PBX1: variants seen among roughly 807,000 people sequenced by gnomAD.
PBX1 encodes pre-B-cell leukemia transcription factor 1.
PBX1 carries 6 observed loss-of-function variants against 53.4 expected under a neutral mutation model. The ratio of observed to expected loss-of-function variants is 0.11; its 90% CI spans 0.06 to 0.22. The LOEUF is 0.22. Among genes scored for constraint, PBX1 ranks in the 10% least tolerant of loss-of-function variants. PBX1 has a pLI of 1.00. For synonymous variants in PBX1, 204 were observed against 212.3 expected, an observed-to-expected ratio of 0.96 and a Z score of 0.34; for missense variants, 251 against 551.4, an observed-to-expected ratio of 0.46 and a Z score of 5.46.
At chr1:164,885,512 T>C (rs1046027675) in intron 2 of PBX1, among the ~76,000 whole-genome samples, 2 of 152,198 alleles carry the variant, frequency 1.3e-5, no homozygotes, top group African/African-American at 4.8e-5. Flanking sequence ...ATCCATAGTA[T>C]AGAGTGTTTC....
intron 2 of PBX1, chr1:164,674,652 T>C (rs1206059558): frequency 1.3e-5 from 2 of 152,256 alleles, no homozygotes; most frequent in Admixed American, 1.3e-4. Flanking sequence ...TAGGCAGAAA[T>C]TTTTACAAAA....
chr1:164,759,801 C>T (rs1337424567), intron 2 of PBX1, among the ~76,000 whole-genome samples: 3 of 152,180 alleles, frequency 2.0e-5, no homozygotes, highest in African/African-American at 7.2e-5. Flanking sequence ...TTGGGGCACT[C>T]TCAGGGAAGA....
At chr1:164,595,106 G>T (rs1055015467) in intron 2 of PBX1, among the ~76,000 whole-genome samples, 2 of 152,190 alleles carry the variant, frequency 1.3e-5, no homozygotes. Flanking sequence ...ACAGTACCAC[G>T]TCTGAACCTA....
At chr1:164,623,117 G>A (rs923096994) in intron 2 of PBX1, among the ~76,000 whole-genome samples, 1 of 152,082 alleles carries the variant, frequency 6.6e-6, no homozygotes, top group African/African-American at 2.4e-5. Flanking sequence ...CTGGCCAGTT[G>A]CCATCTTTTT....
chr1:164,579,059 C>T (rs1380465315), intron 2 of PBX1, among the ~76,000 whole-genome samples: 1 of 151,648 alleles, frequency 6.6e-6, no homozygotes, highest in Admixed American at 6.6e-5. Context: ...CATTCTGTGA[C>T]ATTTGCTCAC....
At chr1:164,683,536 A>T (rs1307262024) in intron 2 of PBX1, 3 of 152,218 alleles carry the variant, frequency 2.0e-5, no homozygotes, top group Non-Finnish European at 4.4e-5. Context: ...ACTGGTTTTC[A>T]AAACCAGATC....
At chr1:164,635,198 C>A (rs1363150914) in intron 2 of PBX1, among the ~76,000 whole-genome samples, 2 of 152,064 alleles carry the variant, frequency 1.3e-5, no homozygotes, top group African/African-American at 4.8e-5. Flanking sequence ...TGTTGCTATG[C>A]CAACACCCTG....
intron 2 of PBX1, among the ~76,000 whole-genome samples, chr1:164,593,726 G>A (rs1655566322): frequency 6.6e-6 from 1 of 152,178 alleles, no homozygotes; most frequent in Non-Finnish European, 1.5e-5. Context: ...AACACACCAT[G>A]TACTTCCTTT....
At chr1:164,820,048 G>C in intron 6 of PBX1, 24 bp from the exon 7 acceptor site, 1 of 1,437,252 alleles carries the variant, frequency 7.0e-7, no homozygotes, top group South Asian at 1.2e-5. Context: ...CTGTGATTCA[G>C]GTGCCTCACT....
At chr1:164,583,486 C>T (rs1654759506) in intron 2 of PBX1, among the ~76,000 whole-genome samples, 1 of 152,056 alleles carries the variant, frequency 6.6e-6, no homozygotes. Context: ...CTGACTTGAC[C>T]TGGCAGCCTT....
chr1:164,563,235 C>T lies in PBX1; in HGVS notation c.192-3C>T. 1 of 1,606,828 alleles carries T rather than the reference C, an allele frequency of 6.2e-7. No individual in the cohort carries two copies. Among genetic ancestry groups the T allele is most frequent in the Non-Finnish European group, 8.5e-7 (1 of 1,174,856 alleles). ...AAGCTATCATGTTGTTTCTTTCTTG[C>T]AGAAAACATGCTTTAAACTGCCACA... On this transcript the variant is annotated splice_region_variant and splice_polypyrimidine_tract_variant and intron_variant, in intron 1 of 8. Transcript: ENST00000420696.
chr1:164,870,329 C>CT (rs1156508342), intron 2 of PBX1, among the ~76,000 whole-genome samples: 1 of 103,284 alleles, frequency 9.7e-6, no homozygotes. Context: ...TTCTTTCTTT[C>CT]TTTCTTTCTT....
At chr1:164,701,131 T>G (rs1663095873) in intron 2 of PBX1, among the ~76,000 whole-genome samples, 2 of 152,158 alleles carry the variant, frequency 1.3e-5, no homozygotes, top group South Asian at 4.2e-4. Context: ...ACTCTTTGCC[T>G]TTTTGCATTT....
At chr1:164,852,003 TAAG>T (rs1671863544), downstream of PBX1, among the ~76,000 whole-genome samples, 2 of 152,006 alleles carry the variant, frequency 1.3e-5, no homozygotes, top group African/African-American at 2.4e-5. Flanking sequence ...ACTCAGGAAA[TAAG>T]AAGGAAGGAA....
chr1:164,633,036 A>C (rs562201695), intron 2 of PBX1, among the ~76,000 whole-genome samples: 1 of 152,218 alleles, frequency 6.6e-6, no homozygotes, highest in Non-Finnish European at 1.5e-5. Flanking sequence ...TGGCATAGCT[A>C]AGACTCAAAA....
At chr1:164,602,493 TG>T (rs1265714161) in intron 2 of PBX1, among the ~76,000 whole-genome samples, 2 of 152,176 alleles carry the variant, frequency 1.3e-5, no homozygotes, top group Non-Finnish European at 2.9e-5. Flanking sequence ...TTTAGCTGTA[TG>T]GGAAGAGTTC....
At position 164,808,163 on chromosome 1, in the gene PBX1, G is replaced by C. The variant is rs569083680; in HGVS notation, c.837+486G>C. On this transcript the variant is annotated intron_variant, in intron 5 of 8. Coordinates refer to ENST00000420696, the MANE Select transcript of PBX1 (RefSeq NM_002585.4). ...TGTGCTGACTCTATAACTGATGGGA[G>C]TGTAGGAATTTTAACATGTCACTGC... Among the ~76,000 whole-genome samples the C allele has an allele frequency of 9.8e-5, 15 of 152,298 alleles. No individual in the cohort carries two copies. In the South Asian group the frequency reaches 3.1e-3, roughly 32 times the overall value.
At chr1:164,700,009 C>T (rs1663023207) in intron 2 of PBX1, among the ~76,000 whole-genome samples, 1 of 152,124 alleles carries the variant, frequency 6.6e-6, no homozygotes, top group Admixed American at 6.5e-5. Flanking sequence ...CCAGGGTGCT[C>T]ATGGGAAAAT....
At chr1:164,782,043 C>T (rs1667958753) in intron 2 of PBX1, among the ~76,000 whole-genome samples, 1 of 152,176 alleles carries the variant, frequency 6.6e-6, no homozygotes, top group African/African-American at 2.4e-5. Context: ...CTGAAAAACC[C>T]CAAAATAACA....
Sources: gnomAD v4.1 joint callset for allele counts (sites outside exome capture counted in the v4.1 genomes callset) on GRCh38, gnomAD v4.1.1 for gene constraint, MANE v1.5 for transcripts, NCBI Gene and HGNC (gene_info 2026-07-23, HGNC 2026-07-21) for gene names.